Variants in OPHN1 observed in about 807,000 individuals in gnomAD.
The protein encoded by OPHN1 is oligophrenin 1.
A neutral mutation model predicts 60.7 loss-of-function variants in OPHN1; 11 were observed. That is an observed-to-expected ratio of 0.18 (90% CI 0.11 to 0.30). The LOEUF (loss-of-function observed/expected upper bound fraction) is 0.30, where lower values mean the gene tolerates loss of function less well. Among genes scored for constraint, OPHN1 ranks in the 10% least tolerant of loss-of-function variants. The pLI, the probability that OPHN1 is intolerant of heterozygous loss-of-function variation, is 1.00. For missense variants in OPHN1, 449 were observed against 611.0 expected, an observed-to-expected ratio of 0.73 and a Z score of 2.80; for synonymous variants, 226 against 222.6, an observed-to-expected ratio of 1.02 and a Z score of -0.14.
intron 18 of OPHN1, among the ~76,000 whole-genome samples, chrX:68,098,921 C>A (rs769698294): frequency 9.0e-6 from 1 of 111,322 alleles, no homozygotes; most frequent in African/African-American, 3.3e-5. Context: ...AAGCACTTGG[C>A]AAGGTCATAT....
chrX:68,355,906 T>G (rs2078437614), intron 2 of OPHN1, among the ~76,000 whole-genome samples: 2 of 110,680 alleles, frequency 1.8e-5, no homozygotes, highest in Non-Finnish European at 3.8e-5. Flanking sequence ...ATTAGCTGGG[T>G]GTGGGTGGTG....
At chrX:68,195,418 A>G (rs1366221253) in intron 12 of OPHN1, among the ~76,000 whole-genome samples, 3 of 112,240 alleles carry the variant, frequency 2.7e-5, no homozygotes, top group Non-Finnish European at 5.6e-5. Context: ...GAGACCAGAA[A>G]GAAGACTGTT....
At chrX:68,309,150 G>T (rs1165828845) in intron 2 of OPHN1, among the ~76,000 whole-genome samples, 1 of 110,995 alleles carries the variant, frequency 9.0e-6, no homozygotes, top group African/African-American at 3.3e-5. Context: ...TTTCTTCCCA[G>T]AAAGATATAT....
chrX:68,251,571 C>T (rs1175790015), intron 5 of OPHN1, among the ~76,000 whole-genome samples: 1 of 111,645 alleles, frequency 9.0e-6, no homozygotes, highest in East Asian at 2.8e-4. Flanking sequence ...CTGATTCAAC[C>T]TAGCTGTTTG....
chrX:68,122,255 A>G (rs917825880), intron 15 of OPHN1, among the ~76,000 whole-genome samples: 1 of 112,295 alleles, frequency 8.9e-6, no homozygotes, highest in African/African-American at 3.2e-5. Context: ...TCAAGGTGGT[A>G]CCGCTACAAA....
chrX:68,074,792 T>C (rs1316097463), intron 19 of OPHN1, among the ~76,000 whole-genome samples: 1 of 111,779 alleles, frequency 8.9e-6, no homozygotes, highest in South Asian at 3.9e-4. Context: ...TTACACAACA[T>C]AGAAGCATGT....
At chrX:68,360,720 T>A (rs1194746229) in intron 2 of OPHN1, among the ~76,000 whole-genome samples, 1 of 109,973 alleles carries the variant, frequency 9.1e-6, no homozygotes, top group Non-Finnish European at 1.9e-5. Flanking sequence ...GAGGTGGGGG[T>A]TGCAGTGAGT....
chrX:68,197,145 G>A, intron 12 of OPHN1, 41 bp downstream of exon 12: 1 of 1,005,762 alleles, frequency 9.9e-7, no homozygotes, highest in South Asian at 1.9e-5. Context: ...CTCATACACT[G>A]GCATATGCTG....
intron 3 of OPHN1, among the ~76,000 whole-genome samples, chrX:68,297,188 G>A (rs1307027912): frequency 9.0e-6 from 1 of 111,675 alleles, no homozygotes; most frequent in Non-Finnish European, 1.9e-5. Context: ...TTAAAAAGAA[G>A]TACAAAAATA....
Position 68,093,700 on chromosome X carries a change from T to C in OPHN1, c.1686+3170A>G, listed in dbSNP as rs2077027163. On this transcript the variant is annotated intron_variant, in intron 19 of 24. Coordinates refer to ENST00000355520, the MANE Select transcript of OPHN1 (RefSeq NM_002547.3). ...GCTAGTGATCTTGAACATCTTTTCATATACTTAATTGCCACGCATACGTCA... is the reference window on the plus strand; with the variant it reads ...GCTAGTGATCTTGAACATCTTTTCACATACTTAATTGCCACGCATACGTCA... Among the ~76,000 whole-genome samples, 3 of 111,722 alleles carry C rather than the reference T, an allele frequency of 2.7e-5. No individual in the cohort carries two copies. The South Asian group carries it at 1.1e-3, about 42-fold the overall frequency.
intron 2 of OPHN1, among the ~76,000 whole-genome samples, chrX:68,359,495 G>A (rs1450066050): frequency 9.0e-6 from 1 of 110,970 alleles, no homozygotes. Flanking sequence ...AGAGACCCAA[G>A]AAATAACATA....
chrX:68,257,660 C>G (rs2077870884), intron 5 of OPHN1, among the ~76,000 whole-genome samples: 1 of 112,021 alleles, frequency 8.9e-6, no homozygotes, highest in Non-Finnish European at 1.9e-5. Context: ...CCACAGGTGG[C>G]TACATTACCT....
chrX:68,287,156 G>GGAAAGAAAGAAAA (rs1555967048), intron 3 of OPHN1, among the ~76,000 whole-genome samples: 19 of 72,897 alleles, frequency 2.6e-4, no homozygotes, highest in South Asian at 6.9e-4. Flanking sequence ...GAAGAAAGAA[G>GGAAAGAAAGAAAA]GAAAGAAAGA....
intron 2 of OPHN1, among the ~76,000 whole-genome samples, chrX:68,384,722 A>T (rs1270242621): frequency 3.6e-5 from 3 of 82,485 alleles, no homozygotes; most frequent in Non-Finnish European, 7.9e-5. Context: ...ACTCCATCTC[A>T]AAAAAAAAAA....
At chrX:68,391,470 C>A (rs1262953856) in intron 2 of OPHN1, among the ~76,000 whole-genome samples, 1 of 110,961 alleles carries the variant, frequency 9.0e-6, no homozygotes, top group Non-Finnish European at 1.9e-5. Context: ...GTCCGTCAGC[C>A]CCCAGCTTCC....
intron 2 of OPHN1, among the ~76,000 whole-genome samples, chrX:68,332,796 G>A (rs2078302237): frequency 9.5e-6 from 1 of 104,798 alleles, no homozygotes; most frequent in East Asian, 2.9e-4. Flanking sequence ...GATAATTTAT[G>A]GAAATTAAAA....
At chrX:68,265,664 C>G (rs1253594209) in intron 5 of OPHN1, among the ~76,000 whole-genome samples, 2 of 111,894 alleles carry the variant, frequency 1.8e-5, no homozygotes, top group African/African-American at 6.5e-5. Flanking sequence ...AGCATCAGAA[C>G]AAAGATGGAT....
intron 3 of OPHN1, among the ~76,000 whole-genome samples, 159 bp from the exon 4 acceptor site, chrX:68,283,276 C>G (rs1209133816): frequency 8.9e-6 from 1 of 112,146 alleles, no homozygotes; most frequent in Non-Finnish European, 1.9e-5. Flanking sequence ...TGTTCAGCAC[C>G]TGTTGAATGT....
At chrX:68,420,243 C>T (rs945182276) in intron 2 of OPHN1, among the ~76,000 whole-genome samples, 2 of 111,888 alleles carry the variant, frequency 1.8e-5, no homozygotes, top group African/African-American at 6.5e-5. Flanking sequence ...CTGTACAGCA[C>T]TTATATTCTC....
Sources: allele counts gnomAD v4.1 joint callset (sites outside exome capture counted in the v4.1 genomes callset), GRCh38; gene constraint gnomAD v4.1.1; transcripts MANE v1.5; gene names NCBI Gene and HGNC (gene_info 2026-07-23, HGNC 2026-07-21).